JAKMIP1: variants seen among roughly 807,000 people sequenced by gnomAD.
JAKMIP1 encodes the protein janus kinase and microtubule-interacting protein 1.
JAKMIP1 carries 33 observed loss-of-function variants against 113.0 expected under a neutral mutation model. That is an observed-to-expected ratio of 0.29 (90% confidence interval 0.22 to 0.39). The LOEUF is 0.39. JAKMIP1 is among the 10% of genes least tolerant of loss of function. The pLI is 1.00. For missense variants in JAKMIP1, 813 were observed against 1,080.5 expected (o/e 0.75, Z 3.47); for synonymous variants, 480 against 459.9 (o/e 1.04, Z -0.56).
intron 8 of JAKMIP1, chr4:6,070,272 T>A (rs1218641031): frequency 5.1e-6 from 2 of 393,822 alleles, no homozygotes; most frequent in Non-Finnish European, 9.0e-6. Context: ...AAAGCACCAA[T>A]TCTCTCCCCA....
intron 1 of JAKMIP1, among the ~76,000 whole-genome samples, chr4:6,125,625 AACAC>A (rs1344643706): frequency 7.8e-6 from 1 of 128,842 alleles, no homozygotes; most frequent in African/African-American, 3.1e-5. Context: ...ACCATACAGA[AACAC>A]ACACACACAC....
chr4:6,058,443 T>C (rs1716787309), intron 11 of JAKMIP1, among the ~76,000 whole-genome samples: 2 of 152,264 alleles, frequency 1.3e-5, no homozygotes, highest in South Asian at 2.1e-4. Context: ...TGCTCAAGCA[T>C]GTCCCAGCTC....
chr4:6,112,327 C>G (rs914339599), intron 2 of JAKMIP1, among the ~76,000 whole-genome samples: 7 of 152,306 alleles, frequency 4.6e-5, no homozygotes, highest in South Asian at 4.1e-4. Context: ...GTTTTCTGTC[C>G]CCATAATGAA....
chr4:6,079,716 G>A (rs1197131891), intron 7 of JAKMIP1, among the ~76,000 whole-genome samples: 1 of 152,244 alleles, frequency 6.6e-6, no homozygotes, highest in African/African-American at 2.4e-5. Context: ...AACTCACACA[G>A]GCAGTCTTAG....
intron 3 of JAKMIP1, among the ~76,000 whole-genome samples, chr4:6,090,098 T>C (rs1015561394): frequency 2.6e-5 from 4 of 152,086 alleles, no homozygotes; most frequent in African/African-American, 9.7e-5. Context: ...GGTGCATGCC[T>C]GTAATCCCAG....
chr4:6,062,567 G>C, intron 9 of JAKMIP1, 127 bp from the exon 10 acceptor site: 16 of 972,738 alleles, frequency 1.6e-5, no homozygotes, highest in South Asian at 5.0e-5. Flanking sequence ...GGTCAACTTA[G>C]ACATCAAACG....
At chr4:6,124,337 C>T (rs112300229) in intron 1 of JAKMIP1, among the ~76,000 whole-genome samples, 86 of 152,350 alleles carry the variant, frequency 5.6e-4, no homozygotes, top group African/African-American at 2.0e-3. Context: ...GAGCTGCCAC[C>T]TGCACCAGCA....
In JAKMIP1 at chr4:6,112,905, G is replaced by A. The variant is rs1453529431; in HGVS notation, c.-55C>T. ...CTGCGGTCCACACCTGTTCACGCACGCCAGCCAGCAGGCGTGGCTACCAGC... is the reference window on the plus strand; with the variant it reads ...CTGCGGTCCACACCTGTTCACGCACACCAGCCAGCAGGCGTGGCTACCAGC... On this transcript the variant is annotated 5_prime_UTR_variant, in exon 2 of 21. Coordinates refer to ENST00000409021, the MANE Select transcript of JAKMIP1 (RefSeq NM_001099433.2). 3.8e-6 allele frequency: 6 copies of A among 1,580,546 alleles called. No homozygotes were observed. In the East Asian group the frequency reaches 6.8e-5, roughly 18 times the overall value.
Position 6,108,865 on chromosome 4 carries a change from G to A in JAKMIP1, c.130-2898C>T, listed in dbSNP as rs1307212956. 2.0e-5 allele frequency among the ~76,000 whole-genome samples: 3 copies of A among 152,248 alleles called. No homozygotes were observed. The highest frequency in any genetic ancestry group is 6.5e-5 in the Admixed American group (1 of 15,286). ...GGGACATCTGTAAGAACTCATGTTT[G>A]ACTTTGTATGGATATAGATGTCATA... On this transcript the variant is annotated intron_variant, in intron 2 of 20. Transcript: ENST00000409021. This position sits in a 1 kb window ranked among gnomAD's most constrained non-coding sequence, Gnocchi z 5.6.
chr4:6,155,879 G>A lies in JAKMIP1; in HGVS notation c.-147-42882C>T, dbSNP rs998227672. On this transcript the variant is annotated intron_variant, in intron 1 of 20. Coordinates refer to ENST00000409021, the MANE Select transcript of JAKMIP1 (RefSeq NM_001099433.2). This position sits in a 1 kb window ranked among gnomAD's most constrained non-coding sequence, Gnocchi z 6.1. ...TCATGAATGGCACTCTCTAGAGGTG[G>A]GGCCTGGCAATCTTAAGTTTGCACA... 2.0e-5 allele frequency among the ~76,000 whole-genome samples: 3 copies of A among 152,218 alleles called. No homozygotes were observed. The highest frequency in any genetic ancestry group is 4.2e-4 in the South Asian group (2 of 4,806).
intron 1 of JAKMIP1, among the ~76,000 whole-genome samples, chr4:6,169,773 T>C (rs1724124994): frequency 6.6e-6 from 1 of 151,934 alleles, no homozygotes; most frequent in Non-Finnish European, 1.5e-5. Flanking sequence ...TGTGGCCTTG[T>C]GCCTCAGATG....
At chr4:6,196,200 G>A (rs1291049074) in intron 1 of JAKMIP1, among the ~76,000 whole-genome samples, 2 of 152,150 alleles carry the variant, frequency 1.3e-5, no homozygotes, top group Non-Finnish European at 2.9e-5. Flanking sequence ...TATGAGGTTG[G>A]TGCAAAAGTA....
At chr4:6,047,765 A>G (rs1715180169) in intron 16 of JAKMIP1, among the ~76,000 whole-genome samples, 2 of 152,236 alleles carry the variant, frequency 1.3e-5, no homozygotes, top group Non-Finnish European at 2.9e-5. Flanking sequence ...AGACCTCATC[A>G]CTGCAAAAAT....
chr4:6,152,807 T>TATATATATATATATATATATATATATAC, intron 1 of JAKMIP1, among the ~76,000 whole-genome samples: 2 of 121,254 alleles, frequency 1.6e-5, no homozygotes, highest in African/African-American at 8.0e-5. Flanking sequence ...TATATATATA[T>TATATATATATATATATATATATATATAC]ATACATATAT....
At chr4:6,112,616 T>A in intron 2 of JAKMIP1, 106 bp downstream of exon 2, 1 of 1,273,416 alleles carries the variant, frequency 7.9e-7, no homozygotes, top group Admixed American at 1.9e-5. Flanking sequence ...GTGCCCCCCC[T>A]CGGCCCCCCT....
chr4:6,117,617 CA>C (rs1716014160), intron 1 of JAKMIP1, among the ~76,000 whole-genome samples: 1 of 152,004 alleles, frequency 6.6e-6, no homozygotes, highest in Non-Finnish European at 1.5e-5. Context: ...CCGGTCTGAC[CA>C]AAGTTTATTA....
chr4:6,081,564 A>G lies in JAKMIP1; in HGVS notation c.1101+45T>C. On this transcript the variant is annotated intron_variant, in intron 6 of 20. Transcript: ENST00000409021. This position sits in a 1 kb window ranked among gnomAD's most constrained non-coding sequence, Gnocchi z 4.6. ...GGTTCAGGGCTGAAGAATCCCAGAC[A>G]GAGAAGGGAGTGTCAGGGCTGTCCC... is the stretch of plus-strand genomic sequence containing the variant. The G allele has an allele frequency of 6.2e-7, 1 of 1,609,428 alleles. No individual in the cohort carries two copies. The highest frequency in any genetic ancestry group is 2.2e-5 in the East Asian group (1 of 44,810).
At chr4:6,171,230 C>A (rs28384360) in intron 1 of JAKMIP1, among the ~76,000 whole-genome samples, 38,690 of 149,552 alleles carry the variant, frequency 0.26, 5,320 homozygotes, top group Non-Finnish European at 0.31. Flanking sequence ...CACCACCATT[C>A]CCACTGCCAT....
rs1726316018 is a variant in JAKMIP1 at position 6,183,663 on chromosome 4, T to C, written c.-148+16590A>G. Among the ~76,000 whole-genome samples the C allele has an allele frequency of 6.6e-6, 1 of 152,024 alleles. No individual in the cohort carries two copies. Among genetic ancestry groups the C allele is most frequent in the Non-Finnish European group, 1.5e-5 (1 of 68,004 alleles). On this transcript the variant is annotated intron_variant, in intron 1 of 20. Coordinates refer to ENST00000409021, the MANE Select transcript of JAKMIP1 (RefSeq NM_001099433.2). The surrounding 1 kb of genome is among the most constrained non-coding windows in gnomAD (Gnocchi z 5.3). ...GGAGCAACAGATGCTTGACTTCTTTTTTCTAGGTGTAATAATTTTAAACTG... is the reference window on the plus strand; with the variant it reads ...GGAGCAACAGATGCTTGACTTCTTTCTTCTAGGTGTAATAATTTTAAACTG...
Sources: allele counts gnomAD v4.1 joint callset (sites outside exome capture counted in the v4.1 genomes callset), GRCh38; gene constraint gnomAD v4.1.1; non-coding constraint Gnocchi (gnomAD v3.1); transcripts MANE v1.5; gene names NCBI Gene and HGNC (gene_info 2026-07-23, HGNC 2026-07-21).